The following ARHGAP17 variants were observed in gnomAD, a reference collection of about 807,000 sequenced individuals.
ARHGAP17 encodes the protein Rho GTPase activating protein 17.
Under a neutral mutation model 99.5 loss-of-function variants are expected in ARHGAP17, and 57 were observed. The ratio of observed to expected loss-of-function variants is 0.57; its 90% CI spans 0.46 to 0.71. The LOEUF is 0.71. Among genes scored for constraint, ARHGAP17 ranks in the 30% least tolerant of loss-of-function variants. The pLI is 0.00. For synonymous variants in ARHGAP17, 417 were observed against 429.6 expected, an observed-to-expected ratio of 0.97 and a Z score of 0.36; for missense variants, 1,000 against 1,122.4, an observed-to-expected ratio of 0.89 and a Z score of 1.56.
At position 24,939,605 on chromosome 16, in the gene ARHGAP17, G is replaced by T; in HGVS notation, c.1491-8C>A. 1 of 1,597,710 alleles carries T rather than the reference G, an allele frequency of 6.3e-7. No individual in the cohort carries two copies. The highest frequency in any genetic ancestry group is 8.5e-7 in the Non-Finnish European group (1 of 1,172,560). ...ATAAGCTTCACACCAAAGCTACACA[G>T]AGAGAAGAAACAGTCAACACACCAT... On this transcript the variant is annotated splice_region_variant and splice_polypyrimidine_tract_variant and intron_variant, in intron 16 of 19. Transcript: ENST00000289968.
At chr16:24,962,907 G>T (rs2052053164) in intron 7 of ARHGAP17, among the ~76,000 whole-genome samples, 1 of 152,210 alleles carries the variant, frequency 6.6e-6, no homozygotes, top group African/African-American at 2.4e-5. Flanking sequence ...GCTAAAGAGA[G>T]AATCAGTGAA....
chr16:25,003,398 C>G (rs1157832609), intron 1 of ARHGAP17, among the ~76,000 whole-genome samples: 1 of 151,832 alleles, frequency 6.6e-6, no homozygotes, highest in African/African-American at 2.4e-5. Flanking sequence ...CAATGCCTGG[C>G]TAATTTTGGC....
In ARHGAP17 at chr16:25,015,252, G is replaced by A; in HGVS notation, c.10C>T (p.Gln4Ter). 7.4e-7 allele frequency: 1 copy of A among 1,354,168 alleles called. No individual in the cohort carries two copies. The allele number at this position is 1,354,168 out of a possible 1,614,324, so 83.9% of individuals were successfully genotyped here. ...GCCAGCTGCTTCATGCGGTTGAACT[G>A]CTTCTTCATGGCGGCGGTGGCGGCG... MKK[Q>*]FNRMKQLANQ... Residue 4 changes from glutamine to a stop codon, truncating the protein, a stop_gained, in exon 1 of 20, where the codon CAG (glutamine) becomes TAG (stop). Coordinates refer to ENST00000289968, the MANE Select transcript of ARHGAP17 (RefSeq NM_001006634.3). LOFTEE classifies it high-confidence loss of function.
At chr16:24,982,374 A>C (rs1283370273) in intron 1 of ARHGAP17, among the ~76,000 whole-genome samples, 3 of 152,228 alleles carry the variant, frequency 2.0e-5, no homozygotes, top group Non-Finnish European at 1.5e-5. Flanking sequence ...ACTGCACTCC[A>C]GACTAGGCAA....
At chr16:24,922,986 G>A (rs2050754201) in intron 19 of ARHGAP17, among the ~76,000 whole-genome samples, 2 of 152,064 alleles carry the variant, frequency 1.3e-5, no homozygotes, top group South Asian at 4.1e-4. Flanking sequence ...CTCAGTAGCT[G>A]ACATTACTAT....
chr16:25,011,862 G>A (rs1257509755), intron 1 of ARHGAP17, among the ~76,000 whole-genome samples: 1 of 152,058 alleles, frequency 6.6e-6, no homozygotes, highest in African/African-American at 2.4e-5. Flanking sequence ...AGAGATATTT[G>A]AAATAAGGGC....
intron 9 of ARHGAP17, among the ~76,000 whole-genome samples, chr16:24,957,724 G>A (rs181434510): frequency 1.8e-3 from 272 of 152,282 alleles, no homozygotes; most frequent in South Asian, 0.011. Flanking sequence ...TTCAGGAGTA[G>A]GAAGGTGGTA....
At chr16:24,952,859 C>T in intron 11 of ARHGAP17, 72 bp downstream of exon 11, 1 of 1,390,184 alleles carries the variant, frequency 7.2e-7, no homozygotes, top group Admixed American at 1.9e-5. Flanking sequence ...TTTTAACTGA[C>T]CATCTGTCTG....
At chr16:24,964,062 A>G (rs2052096099) in intron 7 of ARHGAP17, 135 bp downstream of exon 7, 1 of 563,390 alleles carries the variant, frequency 1.8e-6, no homozygotes, top group African/African-American at 1.9e-5. Flanking sequence ...AGAGAAGAAG[A>G]AAATAAAACC....
intron 12 of ARHGAP17, among the ~76,000 whole-genome samples, chr16:24,950,680 C>T (rs2051607135): frequency 6.6e-6 from 1 of 151,372 alleles, no homozygotes; most frequent in Non-Finnish European, 1.5e-5. Context: ...ACTAAAAATA[C>T]AAAAAAATTA....
chr16:24,994,341 G>A (rs192217319), intron 1 of ARHGAP17, among the ~76,000 whole-genome samples: 31 of 152,308 alleles, frequency 2.0e-4, no homozygotes, highest in African/African-American at 7.5e-4. Flanking sequence ...AGCCTTAACT[G>A]AGTGGAGCTA....
intron 2 of ARHGAP17, 22 bp from the exon 3 acceptor site, chr16:24,977,341 A>C: frequency 6.4e-7 from 1 of 1,557,356 alleles, no homozygotes; most frequent in African/African-American, 1.4e-5. Flanking sequence ...GAGACAAAAG[A>C]GAACAAATTC....
intron 9 of ARHGAP17, 104 bp from the exon 10 acceptor site, chr16:24,954,834 G>A: frequency 6.7e-7 from 1 of 1,484,422 alleles, no homozygotes; most frequent in African/African-American, 1.4e-5. Context: ...ACTGGTAGGT[G>A]AGGCTGTGCA....
intron 1 of ARHGAP17, among the ~76,000 whole-genome samples, chr16:24,987,188 C>G (rs2052895905): frequency 6.6e-6 from 1 of 152,224 alleles, no homozygotes. Context: ...CTGCCACAGA[C>G]ATTGTATAAA....
chr16:24,997,977 G>A (rs2053246109), intron 1 of ARHGAP17, among the ~76,000 whole-genome samples: 1 of 152,140 alleles, frequency 6.6e-6, no homozygotes, highest in East Asian at 1.9e-4. Context: ...ATCTGGGGGA[G>A]TTCATGCAGA....
intron 19 of ARHGAP17, among the ~76,000 whole-genome samples, chr16:24,928,084 A>G (rs2050888369): frequency 6.6e-6 from 1 of 152,266 alleles, no homozygotes; most frequent in Admixed American, 6.5e-5. Flanking sequence ...AAGTGAAAAC[A>G]TTATGTCATA....
At chr16:25,006,150 G>C (rs1018738627) in intron 1 of ARHGAP17, among the ~76,000 whole-genome samples, 2 of 152,112 alleles carry the variant, frequency 1.3e-5, no homozygotes, top group Non-Finnish European at 1.5e-5. Flanking sequence ...TTGACTCCAA[G>C]TGAAAAATAA....
chr16:24,966,095 T>C (rs1047497561), intron 6 of ARHGAP17, among the ~76,000 whole-genome samples: 2 of 152,218 alleles, frequency 1.3e-5, no homozygotes, highest in African/African-American at 4.8e-5. Context: ...CCAACTCTAG[T>C]GAGGGAGCAT....
chr16:24,954,487 G>T (rs549927446), intron 10 of ARHGAP17, 116 bp downstream of exon 10: 1 of 1,406,612 alleles, frequency 7.1e-7, no homozygotes, highest in Non-Finnish European at 9.5e-7. Flanking sequence ...TACACAAAAC[G>T]GACAATGGCT....
Sources: gnomAD v4.1 joint callset for allele counts (sites outside exome capture counted in the v4.1 genomes callset) on GRCh38, gnomAD v4.1.1 for gene constraint, MANE v1.5 for transcripts, NCBI Gene and HGNC (gene_info 2026-07-23, HGNC 2026-07-21) for gene names.